Variants in HS1BP3 observed in about 807,000 individuals in gnomAD.
HS1BP3 encodes HCLS1-binding protein 3.
In HS1BP3, 32 loss-of-function variants were observed where a neutral mutation model predicts 33.5. The ratio of observed to expected loss-of-function variants is 0.95; its 90% CI spans 0.72 to 1.28. The LOEUF is 1.28. Ranked by LOEUF, HS1BP3 falls within the 50% of genes most tolerant of loss-of-function variation. The pLI is 0.00. For missense variants in HS1BP3, 486 were observed against 502.3 expected (o/e 0.97, Z 0.31); for synonymous variants, 187 against 209.2 (o/e 0.89, Z 0.92).
chr2:20,621,920 T>C (rs2149290573), intron 6 of HS1BP3, among the ~76,000 whole-genome samples: 1 of 152,302 alleles, frequency 6.6e-6, no homozygotes, highest in African/African-American at 2.4e-5. Context: ...CCAGCTCTTT[T>C]CTCCTCCAGG....
At chr2:20,623,706 C>T in intron 6 of HS1BP3, 190 bp downstream of exon 6, 2 of 562,396 alleles carry the variant, frequency 3.6e-6, no homozygotes, top group Non-Finnish European at 6.0e-6. Context: ...CAGCCCTGGG[C>T]TGCGGATCCT....
Position 20,582,746 on chromosome 2 carries a change from G to C in HS1BP3, c.303-22231C>G, listed in dbSNP as rs546533399. ...GAGGGACAGTGGGAGGATTGTCATGGGGCAGACGTGACCTCAGCTCGCTGG... is the reference window on the plus strand; with the variant it reads ...GAGGGACAGTGGGAGGATTGTCATGCGGCAGACGTGACCTCAGCTCGCTGG... On this transcript the variant is annotated intron_variant, in intron 5 of 5. Transcript: ENST00000446825. Among the ~76,000 whole-genome samples, 10 of 152,238 alleles carry C rather than the reference G, an allele frequency of 6.6e-5. No individual in the cohort carries two copies. The South Asian group carries it at 1.9e-3, about 28-fold the overall frequency.
chr2:20,641,123 C>T lies in HS1BP3; in HGVS notation c.256G>A (p.Ala86Thr), dbSNP rs765692930. Residue 86 changes from alanine (A) to threonine (T), a missense_variant, in exon 3 of 7, where the codon GCA (alanine) becomes ACA (threonine). Ala to Thr is a moderately conservative substitution (Grantham distance 58). Coordinates refer to ENST00000304031, the MANE Select transcript of HS1BP3 (RefSeq NM_022460.4). ...GGTAGTGGGGGGAGGCTGGCTGCTG[C>T]ATAACGACTGCTCAGTTTCTGGTAA... ...EFYQKLSSRYAAASLPPLPRK... is the reference protein window; with the variant it reads ...EFYQKLSSRYTAASLPPLPRK... 23 of 1,612,756 alleles carry T rather than the reference C, an allele frequency of 1.4e-5. No individual in the cohort carries two copies. The highest frequency in any genetic ancestry group is 8.5e-7 in the Non-Finnish European group (1 of 1,180,026).
chr2:20,587,939 C>T (rs1363730557), downstream of HS1BP3, among the ~76,000 whole-genome samples: 1 of 151,910 alleles, frequency 6.6e-6, no homozygotes, highest in Non-Finnish European at 1.5e-5. Flanking sequence ...CCTCTTCCAC[C>T]AACCATCTGG....
downstream of HS1BP3, among the ~76,000 whole-genome samples, chr2:20,557,569 A>G (rs77446646): frequency 1.0e-3 from 157 of 152,316 alleles, no homozygotes; most frequent in African/African-American, 3.7e-3. Context: ...TTTCTATAGC[A>G]TTTGGATGGG....
chr2:20,623,980 T>TAC lies in HS1BP3; in HGVS notation c.835_836insGT (p.Asp279GlyfsTer39). Reference sequence around the variant, plus strand: ...ACAGGCGGCTGGCAGCAGGAGGGAGTCACCCAGGGGGATGGCCCCGCCGAG... The same window carrying TAC: ...ACAGGCGGCTGGCAGCAGGAGGGAGTACCACCCAGGGGGATGGCCCCGCCGAG... On this transcript the variant is annotated frameshift_variant, in exon 6 of 7. Transcript: ENST00000304031. LOFTEE classifies it high-confidence loss of function. The TAC allele has an allele frequency of 1.2e-6, 2 of 1,612,020 alleles. No individual in the cohort carries two copies. The highest frequency in any genetic ancestry group is 1.7e-6 in the Non-Finnish European group (2 of 1,179,554).
chr2:20,624,020 A>G lies in HS1BP3; in HGVS notation c.796T>C (p.Phe266Leu), dbSNP rs1389438146. The change falls in exon 6 of 7, where the codon TTT becomes CTT. Residue 266 changes from phenylalanine to leucine, a missense_variant. By Grantham distance (22) the Phe-to-Leu change is conservative. Coordinates refer to ENST00000304031, the MANE Select transcript of HS1BP3 (RefSeq NM_022460.4). ...GCCCCGCCGAGGTCAGGATCATCAA[A>G]TAGCTTCAGGGCTGTGGGAAGGCAG... ...DVSSVDPLKL[F>L]DDPDLGGAIP... The G allele has an allele frequency of 1.9e-6, 3 of 1,611,846 alleles. No homozygotes were observed. In the East Asian group the frequency reaches 6.7e-5, roughly 36 times the overall value.
chr2:20,650,948 G>A (rs1695675531), intron 1 of HS1BP3, 84 bp downstream of exon 1: 4 of 1,143,212 alleles, frequency 3.5e-6, no homozygotes, highest in Non-Finnish European at 4.4e-6. Context: ...CCCTGGCCTA[G>A]GAGGCGGCGG....
chr2:20,579,905 A>G (rs1412529415), intron 5 of HS1BP3, among the ~76,000 whole-genome samples: 1 of 152,258 alleles, frequency 6.6e-6, no homozygotes, highest in Non-Finnish European at 1.5e-5. Context: ...CAGGCCTTGC[A>G]CCTACAAAGG....
At chr2:20,642,594 C>T (rs1695390480) in intron 2 of HS1BP3, among the ~76,000 whole-genome samples, 1 of 152,226 alleles carries the variant, frequency 6.6e-6, no homozygotes. Flanking sequence ...CCGACTGCTC[C>T]CCTCAGGCTC....
downstream of HS1BP3, among the ~76,000 whole-genome samples, chr2:20,556,713 T>A (rs1692850923): frequency 6.6e-6 from 1 of 152,230 alleles, no homozygotes; most frequent in African/African-American, 2.4e-5. Flanking sequence ...GCACACGCCA[T>A]CAGCTTCTCA....
At chr2:20,648,686 C>A (rs1695590988) in intron 1 of HS1BP3, among the ~76,000 whole-genome samples, 1 of 152,206 alleles carries the variant, frequency 6.6e-6, no homozygotes, top group Non-Finnish European at 1.5e-5. Context: ...AATACCATTT[C>A]CGAGCCAATG....
chr2:20,622,045 G>T, intron 6 of HS1BP3: 1 of 483,560 alleles, frequency 2.1e-6, no homozygotes, highest in Non-Finnish European at 3.3e-6. Flanking sequence ...CTAGACTAGA[G>T]GCCCTGCCCT....
chr2:20,608,403 C>T (rs190551081), intron 2 of HS1BP3, among the ~76,000 whole-genome samples: 244 of 151,784 alleles, frequency 1.6e-3, no homozygotes, highest in African/African-American at 3.9e-3. Flanking sequence ...GGTGAAACCC[C>T]GTCTCTACTA....
intron 1 of HS1BP3, among the ~76,000 whole-genome samples, 193 bp from the exon 2 acceptor site, chr2:20,645,698 G>A (rs1301145937): frequency 6.6e-6 from 1 of 152,196 alleles, no homozygotes; most frequent in Non-Finnish European, 1.5e-5. Flanking sequence ...CCCAGGCCTC[G>A]AGGCCTCGGA....
chr2:20,644,041 C>T (rs1192768910), intron 2 of HS1BP3, among the ~76,000 whole-genome samples: 1 of 152,170 alleles, frequency 6.6e-6, no homozygotes, highest in Non-Finnish European at 1.5e-5. Flanking sequence ...TCTTGGTTGC[C>T]AGGAGACTCC....
chr2:20,621,631 C>G (rs1312159351), intron 6 of HS1BP3, among the ~76,000 whole-genome samples: 1 of 152,238 alleles, frequency 6.6e-6, no homozygotes, highest in African/African-American at 2.4e-5. Context: ...GGGAAAAGCT[C>G]AAAGGGACTG....
At chr2:20,601,770 CTTTTTTTT>C (rs35644786) in intron 2 of HS1BP3, among the ~76,000 whole-genome samples, 6 of 69,150 alleles carry the variant, frequency 8.7e-5, no homozygotes, top group African/African-American at 1.6e-4. Flanking sequence ...AGTGTGTCTT[CTTTTTTTT>C]TTTTTTTTTT....
At chr2:20,599,000 G>A (rs1429762122) in intron 2 of HS1BP3, among the ~76,000 whole-genome samples, 2 of 152,220 alleles carry the variant, frequency 1.3e-5, no homozygotes, top group Non-Finnish European at 2.9e-5. Context: ...GCTAGGGAGG[G>A]CAGTGGGGAG....
Sources: gnomAD v4.1 joint callset for allele counts (sites outside exome capture counted in the v4.1 genomes callset) on GRCh38, gnomAD v4.1.1 for gene constraint, MANE v1.5 for transcripts, NCBI Gene and HGNC (gene_info 2026-07-23, HGNC 2026-07-21) for gene names.